NFAT5: variants seen among roughly 807,000 people sequenced by gnomAD.
NFAT5 encodes the protein nuclear factor of activated T cells 5.
In NFAT5, 31 loss-of-function variants were observed where a neutral mutation model predicts 166.5. The observed-to-expected ratio is 0.19, with a 90% CI of 0.14 to 0.25. The LOEUF (loss-of-function observed/expected upper bound fraction) is 0.25, where lower values mean the gene tolerates loss of function less well. Among genes scored for constraint, NFAT5 ranks in the 10% least tolerant of loss-of-function variants. The probability of loss-of-function intolerance (pLI) is 1.00; values close to 1 mark genes in which losing one functional copy is unlikely to be tolerated. For missense variants in NFAT5, 1,449 were observed against 1,821.8 expected (o/e 0.80, Z 3.72); for synonymous variants, 612 against 639.7 (o/e 0.96, Z 0.65).
intron 2 of NFAT5, among the ~76,000 whole-genome samples, chr16:69,595,298 G>T (rs531708058): frequency 5.3e-5 from 8 of 152,112 alleles, no homozygotes; most frequent in Non-Finnish European, 1.0e-4. Flanking sequence ...ATACAGTGCC[G>T]ATGTGATGAT....
Position 69,566,077 on chromosome 16 carries a change from C to T in NFAT5, c.-225C>T. The stretch of plus-strand genomic sequence containing the variant: ...TTCCCCTTCCCCGTCCTGAACCCCT[C>T]TCCTGGTCACCGAGAATCAGTCCCC... On this transcript the variant is annotated 5_prime_UTR_variant, in exon 1 of 15. Transcript: ENST00000349945. The surrounding 1 kb of genome is among the most constrained non-coding windows in gnomAD (Gnocchi z 5.7). 1 of 541,008 alleles carries T rather than the reference C, an allele frequency of 1.8e-6. No homozygotes were observed. The highest frequency in any genetic ancestry group is 3.2e-6 in the Non-Finnish European group (1 of 309,746). The allele number at this position is 541,008 out of a possible 1,614,324, so 33.5% of individuals were successfully genotyped here.
At position 69,618,135 on chromosome 16, in the gene NFAT5, G is replaced by A. The variant is rs146454270; in HGVS notation, c.128-8268G>A. Among the ~76,000 whole-genome samples, 225 of 143,244 alleles carry A rather than the reference G, an allele frequency of 1.6e-3. No homozygotes were observed. In the East Asian group the frequency reaches 0.025, roughly 16 times the overall value. The allele number at this position is 143,244 out of a possible 152,430, so 94.0% of individuals were successfully genotyped here. On this transcript the variant is annotated intron_variant, in intron 2 of 14. Transcript: ENST00000349945. ...ATCGTGCCATTGCACTCCAGCCTGGGCAACAACAGCGAAACTCCATCTCAA... is the reference window on the plus strand; with the variant it reads ...ATCGTGCCATTGCACTCCAGCCTGGACAACAACAGCGAAACTCCATCTCAA...
chr16:69,603,779 T>C (rs1166577679), intron 2 of NFAT5, among the ~76,000 whole-genome samples: 1 of 152,148 alleles, frequency 6.6e-6, no homozygotes, highest in East Asian at 1.9e-4. Flanking sequence ...ATTTCTGTAT[T>C]AAGGTCTGAT....
At chr16:69,644,837 G>GC (rs1376240294) in intron 3 of NFAT5, 1 of 455,154 alleles carries the variant, frequency 2.2e-6, no homozygotes, top group African/African-American at 2.0e-5. Flanking sequence ...TCATGTGCAT[G>GC]ATCCTTAGAT....
In NFAT5 at chr16:69,655,696, T is replaced by C; in HGVS notation, c.1093T>C (p.Cys365Arg). 6.2e-7 allele frequency: 1 copy of C among 1,613,994 alleles called. No homozygotes were observed. The highest frequency in any genetic ancestry group is 8.5e-7 in the Non-Finnish European group (1 of 1,179,902). Residue 365 changes from cysteine to arginine, a missense_variant, in exon 6 of 15, where the codon TGC (cysteine) becomes CGC (arginine). Cys to Arg is a radical substitution (Grantham distance 180). This residue lies in a region of NFAT5 where 10 missense variants were observed against 41.4 expected (regional missense o/e 0.24). Coordinates refer to ENST00000349945, the MANE Select transcript of NFAT5 (RefSeq NM_138713.4). ...RVKPHGFYQA[C>R]RVTGRNTTPC... ...GAAACCACATGGATTTTATCAGGCC[T>C]GCAGAGTAACTGGACGAAATACAAC...
chr16:69,605,335 G>A (rs955380062), intron 2 of NFAT5, among the ~76,000 whole-genome samples: 37 of 152,132 alleles, frequency 2.4e-4, no homozygotes, highest in African/African-American at 8.4e-4. Context: ...AGCTACTTGG[G>A]AGGCTGAGGT....
chr16:69,663,643 G>A (rs537859289), intron 7 of NFAT5, among the ~76,000 whole-genome samples: 4 of 151,762 alleles, frequency 2.6e-5, no homozygotes, highest in Non-Finnish European at 2.9e-5. Flanking sequence ...GGCGAGGTAG[G>A]AAGATTGCTT....
rs8054051 is a variant in NFAT5, at chr16:69,604,408, A to G, written c.128-21995A>G. 6.6e-3 allele frequency among the ~76,000 whole-genome samples: 1,002 copies of G among 152,290 alleles called. 12 individuals are homozygous for G. Among genetic ancestry groups the G allele is most frequent in the African/African-American group, 0.022 (928 of 41,554 alleles). On this transcript the variant is annotated intron_variant, in intron 2 of 14. Coordinates refer to ENST00000349945, the MANE Select transcript of NFAT5 (RefSeq NM_138713.4). ...TGGTAGTCAAATAAGGAATTTTTAT[A>G]TAGGTAAACTCGGATTTGAGGTTTG...
intron 6 of NFAT5, among the ~76,000 whole-genome samples, chr16:69,657,478 G>T (rs1489180028): frequency 6.6e-6 from 1 of 151,382 alleles, no homozygotes; most frequent in East Asian, 2.0e-4. Flanking sequence ...TAAAAAAGGG[G>T]CTGGGCACGC....
chr16:69,583,405 G>A (rs1337195240), intron 2 of NFAT5, among the ~76,000 whole-genome samples: 1 of 151,894 alleles, frequency 6.6e-6, no homozygotes, highest in African/African-American at 2.4e-5. Flanking sequence ...TTGTAGGGAT[G>A]GATTCTTCTC....
intron 2 of NFAT5, among the ~76,000 whole-genome samples, chr16:69,598,822 C>T (rs568745075): frequency 6.6e-6 from 1 of 151,464 alleles, no homozygotes; most frequent in Non-Finnish European, 1.5e-5. Flanking sequence ...GTCAGGATTT[C>T]GAGATCAGCC....
intron 2 of NFAT5, among the ~76,000 whole-genome samples, chr16:69,617,985 C>T (rs2034032016): frequency 6.6e-6 from 1 of 151,854 alleles, no homozygotes; most frequent in Non-Finnish European, 1.5e-5. Context: ...ATGGAGAAAA[C>T]CTGTCTCTAC....
intron 3 of NFAT5, among the ~76,000 whole-genome samples, 158 bp downstream of exon 3, chr16:69,626,686 A>G (rs776548746): frequency 6.6e-6 from 1 of 152,208 alleles, no homozygotes; most frequent in African/African-American, 2.4e-5. Flanking sequence ...CTTTTTCAAT[A>G]TTATTTTCTT....
chr16:69,654,073 A>G (rs1325804076), intron 5 of NFAT5, among the ~76,000 whole-genome samples: 1 of 152,168 alleles, frequency 6.6e-6, no homozygotes, highest in African/African-American at 2.4e-5. Context: ...TTTACAGTTG[A>G]GACTAAAAGT....
intron 2 of NFAT5, among the ~76,000 whole-genome samples, chr16:69,605,334 G>A (rs1216536500): frequency 6.6e-6 from 1 of 152,102 alleles, no homozygotes; most frequent in African/African-American, 2.4e-5. Flanking sequence ...TAGCTACTTG[G>A]GAGGCTGAGG....
At chr16:69,680,594 C>G (rs961639898) in intron 10 of NFAT5, among the ~76,000 whole-genome samples, 10 of 152,082 alleles carry the variant, frequency 6.6e-5, no homozygotes, top group African/African-American at 2.4e-4. Context: ...AAGTTTTCCC[C>G]CAGCATATTT....
intron 2 of NFAT5, among the ~76,000 whole-genome samples, chr16:69,594,193 A>G (rs758591095): frequency 9.2e-5 from 14 of 152,218 alleles, no homozygotes; most frequent in Non-Finnish European, 1.5e-5. Flanking sequence ...CATAGGGTGT[A>G]CTTACACAAA....
At chr16:69,653,081 A>G (rs964849569) in intron 4 of NFAT5, among the ~76,000 whole-genome samples, 155 bp from the exon 5 acceptor site, 1 of 152,046 alleles carries the variant, frequency 6.6e-6, no homozygotes, top group East Asian at 1.9e-4. Context: ...TTGCTCATGT[A>G]TCTTCCTTTA....
At chr16:69,581,590 A>G (rs1207140926) in intron 2 of NFAT5, among the ~76,000 whole-genome samples, 1 of 152,040 alleles carries the variant, frequency 6.6e-6, no homozygotes, top group Non-Finnish European at 1.5e-5. Context: ...GATTTTTTCA[A>G]ATTTTTTTGC....
Sources: gnomAD v4.1 joint callset for allele counts (sites outside exome capture counted in the v4.1 genomes callset) on GRCh38, gnomAD v4.1.1 for gene constraint, gnomAD v4.1.1 regional missense constraint, Gnocchi (gnomAD v3.1) non-coding constraint, MANE v1.5 for transcripts, NCBI Gene and HGNC (gene_info 2026-07-23, HGNC 2026-07-21) for gene names.